The following IGF2BP2 variants were observed in gnomAD, a reference collection of about 807,000 sequenced individuals.
IGF2BP2 encodes the protein insulin-like growth factor 2 mRNA-binding protein 2.
A neutral mutation model predicts 75.8 loss-of-function variants in IGF2BP2; 17 were observed. The ratio of observed to expected loss-of-function variants is 0.22; its 90% CI spans 0.15 to 0.34. The LOEUF is 0.34. Ranked by LOEUF, IGF2BP2 falls within the 10% of genes least tolerant of loss-of-function variation. The pLI is 1.00. For synonymous variants in IGF2BP2, 288 were observed against 295.6 expected (o/e 0.97, Z 0.26); for missense variants, 516 against 772.4 (o/e 0.67, Z 3.93).
At chr3:185,777,993 G>A (rs748305033) in intron 2 of IGF2BP2, among the ~76,000 whole-genome samples, 3 of 151,838 alleles carry the variant, frequency 2.0e-5, no homozygotes, top group Admixed American at 6.6e-5. Flanking sequence ...GCAGTGAGCC[G>A]AGATTGCAAG....
At chr3:185,649,349 G>C (rs1714163153) in intron 14 of IGF2BP2, 54 bp downstream of exon 14, 13 of 1,602,010 alleles carry the variant, frequency 8.1e-6, no homozygotes, top group South Asian at 2.2e-5. Flanking sequence ...ACTCAGGCAA[G>C]GCCAGAGCGG....
chr3:185,742,994 G>C (rs973810257), intron 2 of IGF2BP2, among the ~76,000 whole-genome samples: 1 of 151,920 alleles, frequency 6.6e-6, no homozygotes, highest in Non-Finnish European at 1.5e-5. Flanking sequence ...AGCTACTAGG[G>C]AGGCTGAGAC....
rs1011628658 is a variant in IGF2BP2, at chr3:185,675,909, C to T, written c.817G>A (p.Glu273Lys). 6.2e-6 allele frequency: 10 copies of T among 1,613,774 alleles called. No homozygotes were observed. The African/African-American group carries it at 8.0e-5, about 13-fold the overall frequency. ...GCCAAGATTTTCAGAGGAATCTCTT[C>T]GGCTCTAAAAGAGACAAGCAGCAAG... Reference protein sequence around the residue: ...QKEADETKLAEEIPLKILAHN... With the variant: ...QKEADETKLAKEIPLKILAHN... Residue 273 changes from glutamate (E) to lysine (K), a missense_variant, in exon 8 of 16, where the codon GAA (glutamate) becomes AAA (lysine). Glu to Lys is a moderately conservative substitution (Grantham distance 56). Coordinates refer to ENST00000382199, the MANE Select transcript of IGF2BP2 (RefSeq NM_006548.6).
chr3:185,662,203 C>T lies in IGF2BP2; in HGVS notation c.1201-3794G>A, dbSNP rs530419395. Among the ~76,000 whole-genome samples the T allele has an allele frequency of 2.4e-4, 36 of 152,138 alleles. No homozygotes were observed. In the East Asian group the frequency reaches 5.8e-3, roughly 25 times the overall value. On this transcript the variant is annotated intron_variant, in intron 10 of 15. Coordinates refer to ENST00000382199, the MANE Select transcript of IGF2BP2 (RefSeq NM_006548.6). ...ATGTATAATGAAAGGTCTGGCCAGACGTGGTGGCTCAAGCCTGTAATCCCA... is the reference window on the plus strand; with the variant it reads ...ATGTATAATGAAAGGTCTGGCCAGATGTGGTGGCTCAAGCCTGTAATCCCA...
chr3:185,700,198 G>T (rs1313247034), intron 2 of IGF2BP2, among the ~76,000 whole-genome samples: 1 of 151,958 alleles, frequency 6.6e-6, no homozygotes, highest in Non-Finnish European at 1.5e-5. Context: ...CAAGCAGAAA[G>T]AGAAAAGGAG....
intron 7 of IGF2BP2, among the ~76,000 whole-genome samples, chr3:185,679,373 C>T (rs530162672): frequency 1.2e-4 from 18 of 152,112 alleles, no homozygotes; most frequent in African/African-American, 4.1e-4. Flanking sequence ...GCATAAAAAA[C>T]TCTACTTTTT....
chr3:185,716,764 C>T (rs1725696396), intron 2 of IGF2BP2: 1 of 519,616 alleles, frequency 1.9e-6, no homozygotes, highest in South Asian at 1.4e-5. Context: ...AGTGGGAGGA[C>T]ATCCTTCATT....
chr3:185,660,802 C>T (rs1716314192), intron 10 of IGF2BP2, among the ~76,000 whole-genome samples: 1 of 152,206 alleles, frequency 6.6e-6, no homozygotes, highest in African/African-American at 2.4e-5. Flanking sequence ...CTCTTCTGCA[C>T]AAAACTCTAG....
intron 2 of IGF2BP2, among the ~76,000 whole-genome samples, chr3:185,773,990 G>C (rs111985000): frequency 1.6e-3 from 236 of 152,254 alleles, no homozygotes; most frequent in Non-Finnish European, 3.0e-3. Context: ...TGACTTCACT[G>C]ACTGAGAGGA....
chr3:185,725,659 T>C (rs1727222460), intron 2 of IGF2BP2, among the ~76,000 whole-genome samples: 2 of 152,088 alleles, frequency 1.3e-5, no homozygotes, highest in Non-Finnish European at 2.9e-5. Flanking sequence ...ATCTAAGAAG[T>C]ATCAAATGAG....
chr3:185,706,129 G>T (rs933613298), intron 2 of IGF2BP2, among the ~76,000 whole-genome samples: 4 of 152,228 alleles, frequency 2.6e-5, no homozygotes, highest in African/African-American at 9.6e-5. Flanking sequence ...AGCATTTGGG[G>T]AGGCCAAGGT....
chr3:185,657,452 C>T, intron 11 of IGF2BP2, 50 bp from the exon 12 acceptor site: 1 of 1,395,670 alleles, frequency 7.2e-7, no homozygotes, highest in Non-Finnish European at 1.0e-6. Context: ...AGGCTTTCTC[C>T]TCCAGGCACT....
intron 2 of IGF2BP2, among the ~76,000 whole-genome samples, chr3:185,809,064 A>G (rs897550536): frequency 2.6e-5 from 4 of 151,710 alleles, no homozygotes; most frequent in African/African-American, 9.7e-5. Context: ...TCCACCTATT[A>G]TATTGCAATA....
intron 2 of IGF2BP2, among the ~76,000 whole-genome samples, chr3:185,715,013 G>A (rs532068103): frequency 1.3e-5 from 2 of 152,312 alleles, no homozygotes; most frequent in Admixed American, 6.5e-5. Context: ...CACCTCACAT[G>A]CCGCACTGCC....
chr3:185,671,214 G>A (rs546089576), intron 10 of IGF2BP2, among the ~76,000 whole-genome samples: 200 of 152,310 alleles, frequency 1.3e-3, no homozygotes, highest in African/African-American at 4.7e-3. Context: ...AGTTTAAGGG[G>A]AAATGATATA....
At chr3:185,804,585 T>C (rs189104118) in intron 2 of IGF2BP2, among the ~76,000 whole-genome samples, 2 of 152,324 alleles carry the variant, frequency 1.3e-5, no homozygotes, top group East Asian at 3.9e-4. Context: ...CAATATTTAA[T>C]TGAAAACAAT....
intron 2 of IGF2BP2, among the ~76,000 whole-genome samples, chr3:185,759,889 G>T (rs958061693): frequency 1.3e-5 from 2 of 152,192 alleles, no homozygotes; most frequent in African/African-American, 4.8e-5. Context: ...AAAGTAGACA[G>T]ATGTGATGAA....
chr3:185,810,785 AC>A (rs58617940), intron 2 of IGF2BP2, among the ~76,000 whole-genome samples: 7 of 148,730 alleles, frequency 4.7e-5, no homozygotes, highest in South Asian at 2.2e-4. Context: ...AAAAAAAACA[AC>A]AAAAAACAAA....
chr3:185,823,301 G>C (rs1253000576), intron 1 of IGF2BP2, 88 bp from the exon 2 acceptor site: 31 of 1,029,250 alleles, frequency 3.0e-5, no homozygotes, highest in South Asian at 6.3e-5. Context: ...CTCCACGCTC[G>C]GGCTCCGCCT....
Sources: allele counts gnomAD v4.1 joint callset (sites outside exome capture counted in the v4.1 genomes callset), GRCh38; gene constraint gnomAD v4.1.1; transcripts MANE v1.5; gene names NCBI Gene and HGNC (gene_info 2026-07-23, HGNC 2026-07-21).